Variants in ALK observed in about 807,000 individuals in gnomAD.
ALK encodes ALK tyrosine kinase receptor.
ALK carries 74 observed loss-of-function variants against 163.1 expected under a neutral mutation model. That is an observed-to-expected ratio of 0.45 (90% CI 0.38 to 0.55). The LOEUF (loss-of-function observed/expected upper bound fraction) is 0.55, where lower values mean the gene tolerates loss of function less well. ALK is among the 20% of genes least tolerant of loss of function. The probability of loss-of-function intolerance (pLI) is 0.00; values close to 1 mark genes in which losing one functional copy is unlikely to be tolerated. For synonymous variants in ALK, 960 were observed against 843.2 expected, an observed-to-expected ratio of 1.14 and a Z score of -2.40; for missense variants, 2,063 against 2,105.3, an observed-to-expected ratio of 0.98 and a Z score of 0.39.
At chr2:29,378,319 T>C (rs568928008) in intron 5 of ALK, among the ~76,000 whole-genome samples, 31 of 152,248 alleles carry the variant, frequency 2.0e-4, no homozygotes, top group Admixed American at 7.2e-4. Context: ...AGGAAAATCA[T>C]TGGGTCTTTG....
At chr2:29,688,592 C>T (rs1345222045) in intron 3 of ALK, among the ~76,000 whole-genome samples, 1 of 152,162 alleles carries the variant, frequency 6.6e-6, no homozygotes. Flanking sequence ...GAAGGGAGCT[C>T]TGGGGAGCTG....
rs1664239038 is a variant in ALK, at chr2:29,232,393, G to C, written c.2543C>G (p.Ala848Gly). 6.2e-7 allele frequency: 1 copy of C among 1,614,236 alleles called. No individual in the cohort carries two copies. ...LIIAAGGGGRAYGAKTDTFHP... is the reference protein window; with the variant it reads ...LIIAAGGGGRGYGAKTDTFHP... Reference sequence around the variant, plus strand: ...GAACGTGTCTGTCTTGGCCCCGTAGGCCCTGCCACCACCTCCGGCTGCAAT... The same window carrying C: ...GAACGTGTCTGTCTTGGCCCCGTAGCCCCTGCCACCACCTCCGGCTGCAAT... Residue 848 changes from alanine (A) to glycine (G), a missense_variant, in exon 15 of 29, where the codon GCC becomes GGC. By Grantham distance (60) the Ala-to-Gly change is moderately conservative (BLOSUM62 0). Transcript: ENST00000389048.
At chr2:29,304,157 G>A (rs1197113994) in intron 8 of ALK, among the ~76,000 whole-genome samples, 2 of 152,172 alleles carry the variant, frequency 1.3e-5, no homozygotes, top group Non-Finnish European at 2.9e-5. Flanking sequence ...TGCTTAGAGT[G>A]TGGTCCTCAG....
chr2:29,366,999 T>G (rs1668523930), intron 5 of ALK, among the ~76,000 whole-genome samples: 1 of 152,228 alleles, frequency 6.6e-6, no homozygotes, highest in Non-Finnish European at 1.5e-5. Context: ...CCTCCCGTCA[T>G]TACTCTCTTT....
intron 3 of ALK, among the ~76,000 whole-genome samples, chr2:29,580,574 C>G (rs953665877): frequency 2.6e-5 from 4 of 152,164 alleles, no homozygotes; most frequent in Non-Finnish European, 5.9e-5. Context: ...TATTACAGTC[C>G]ATGCAGAAAA....
rs796841206 is a variant in ALK, at chr2:29,634,546, T to A, written c.952+60304A>T. On this transcript the variant is annotated intron_variant, in intron 3 of 28. Transcript: ENST00000389048. ...TAAATCACATGATAATATCAATTCATGAAGAAAAAGCAATAGATAAATTCA... is the reference window on the plus strand; with the variant it reads ...TAAATCACATGATAATATCAATTCAAGAAGAAAAAGCAATAGATAAATTCA... Among the ~76,000 whole-genome samples the A allele has an allele frequency of 3.3e-5, 5 of 152,262 alleles. No individual in the cohort carries two copies. In the East Asian group the frequency reaches 9.7e-4, roughly 29 times the overall value.
In ALK at chr2:29,908,270, A is replaced by C. The variant is rs1388655063; in HGVS notation, c.667+11723T>G. 3.9e-5 allele frequency among the ~76,000 whole-genome samples: 5 copies of C among 129,084 alleles called. No homozygotes were observed. In the Admixed American group the frequency reaches 4.3e-4, roughly 11 times the overall value. The allele number at this position is 129,084 out of a possible 152,430, so 84.7% of individuals were successfully genotyped here. On this transcript the variant is annotated intron_variant, in intron 1 of 28. Coordinates refer to ENST00000389048, the MANE Select transcript of ALK (RefSeq NM_004304.5). ...AGAGCTCTCTGCTCTGGCTGGTTCT[A>C]CTCTCCAGAGCACACACACACACAC...
At chr2:29,539,049 A>AC (rs11444826) in intron 3 of ALK, among the ~76,000 whole-genome samples, 73,132 of 151,296 alleles carry the variant, frequency 0.48, 18,845 homozygotes, top group Non-Finnish European at 0.58. Context: ...TCTCTTCCAC[A>AC]CCCCCCTCCC....
chr2:29,795,152 G>A (rs1572385209), intron 1 of ALK, among the ~76,000 whole-genome samples: 1 of 151,802 alleles, frequency 6.6e-6, no homozygotes. Flanking sequence ...AGGTGAAAAG[G>A]CTATGAACAT....
intron 3 of ALK, among the ~76,000 whole-genome samples, chr2:29,658,141 A>G (rs1001086947): frequency 6.6e-6 from 1 of 152,188 alleles, no homozygotes; most frequent in Non-Finnish European, 1.5e-5. Context: ...AAAGGATTGT[A>G]ATTCCATGGG....
chr2:29,823,701 T>G (rs1665114926), intron 1 of ALK, among the ~76,000 whole-genome samples: 1 of 152,208 alleles, frequency 6.6e-6, no homozygotes, highest in African/African-American at 2.4e-5. Flanking sequence ...ATGAAATTTC[T>G]AAGCAGCAAA....
intron 3 of ALK, among the ~76,000 whole-genome samples, chr2:29,641,436 A>G (rs1169894100): frequency 6.6e-6 from 1 of 152,196 alleles, no homozygotes; most frequent in Non-Finnish European, 1.5e-5. Flanking sequence ...CCGCAAGTCC[A>G]GTACATTGTG....
In ALK at chr2:29,857,663, C is replaced by A. The variant is rs73922319; in HGVS notation, c.667+62330G>T. Among the ~76,000 whole-genome samples the A allele has an allele frequency of 3.2e-3, 493 of 152,270 alleles. 3 individuals are homozygous for A. The highest frequency in any genetic ancestry group is 0.011 in the African/African-American group (468 of 41,550). ...CATGCATGTAAGAATAAAGAGGAAG[C>A]TGGAGAAGCTGAAGCTAGCAGTACA... On this transcript the variant is annotated intron_variant, in intron 1 of 28. Coordinates refer to ENST00000389048, the MANE Select transcript of ALK (RefSeq NM_004304.5).
intron 8 of ALK, among the ~76,000 whole-genome samples, chr2:29,315,455 G>A (rs1227746476): frequency 1.3e-5 from 2 of 152,102 alleles, no homozygotes; most frequent in Non-Finnish European, 2.9e-5. Flanking sequence ...AAAGACAAGT[G>A]ACATCACGCT....
Position 29,578,056 on chromosome 2 carries a change from A to G in ALK, c.953-45940T>C, listed in dbSNP as rs143777540. Among the ~76,000 whole-genome samples, 946 of 151,818 alleles carry G rather than the reference A, an allele frequency of 6.2e-3. 8 individuals are homozygous for G. Among genetic ancestry groups the G allele is most frequent in the African/African-American group, 0.018 (767 of 41,500 alleles). On this transcript the variant is annotated intron_variant, in intron 3 of 28. Transcript: ENST00000389048. ...TAGGGTTTGGCTGTGTCCCCACCCA[A>G]ATCGCATCTTGAATTCCCACGTGTT...
At chr2:29,235,856 CTTTTTTTTTTTTTTTTTTTTT>C (rs569363324) in intron 13 of ALK, among the ~76,000 whole-genome samples, 3 of 38,252 alleles carry the variant, frequency 7.8e-5, no homozygotes, top group Non-Finnish European at 1.5e-4. Flanking sequence ...CCAGGCTCGA[CTTTTTTTTTTTTTTTTTTTTT>C]TTTTTTTTTT....
intron 1 of ALK, among the ~76,000 whole-genome samples, chr2:29,854,795 T>C (rs1261696138): frequency 6.6e-6 from 1 of 152,244 alleles, no homozygotes; most frequent in African/African-American, 2.4e-5. Context: ...TATACTTCCA[T>C]AGCACTTCCT....
chr2:29,625,144 A>T (rs933690882), intron 3 of ALK, among the ~76,000 whole-genome samples: 1 of 152,162 alleles, frequency 6.6e-6, no homozygotes, highest in Non-Finnish European at 1.5e-5. Context: ...GTAGCTATCC[A>T]TTATGTTCTA....
chr2:29,858,956 C>A (rs752350544), intron 1 of ALK, among the ~76,000 whole-genome samples: 6 of 152,042 alleles, frequency 3.9e-5, no homozygotes, highest in African/African-American at 1.4e-4. Context: ...TTGCTTGAAC[C>A]GAGGAGGTGG....
Sources: gnomAD v4.1 joint callset for allele counts (sites outside exome capture counted in the v4.1 genomes callset) on GRCh38, gnomAD v4.1.1 for gene constraint, MANE v1.5 for transcripts, NCBI Gene and HGNC (gene_info 2026-07-23, HGNC 2026-07-21) for gene names.